ARHGEF10L: variants seen among roughly 807,000 people sequenced by gnomAD.
The protein encoded by ARHGEF10L is Rho guanine nucleotide exchange factor 10 like.
ARHGEF10L carries 69 observed loss-of-function variants against 141.2 expected under a neutral mutation model. The ratio of observed to expected loss-of-function variants is 0.49; its 90% confidence interval spans 0.40 to 0.60. The LOEUF is 0.60. Among genes scored for constraint, ARHGEF10L ranks in the 20% least tolerant of loss-of-function variants. ARHGEF10L has a pLI of 0.00. For missense variants in ARHGEF10L, 1,482 were observed against 1,734.3 expected (o/e 0.85, Z 2.58); for synonymous variants, 711 against 718.5 (o/e 0.99, Z 0.17).
At chr1:17,670,184 C>T (rs376649551) in intron 26 of ARHGEF10L, among the ~76,000 whole-genome samples, 13 of 152,378 alleles carry the variant, frequency 8.5e-5, no homozygotes, top group African/African-American at 3.1e-4. Flanking sequence ...CCCTGAGGCC[C>T]ACATGGCCTG....
At chr1:17,664,871 G>T (rs1236581847) in intron 26 of ARHGEF10L, among the ~76,000 whole-genome samples, 1 of 152,222 alleles carries the variant, frequency 6.6e-6, no homozygotes, top group African/African-American at 2.4e-5. Flanking sequence ...TGTGGAAGTG[G>T]GATTGGGGTC....
rs1338785791 is a variant in ARHGEF10L, at chr1:17,558,276, TC to T, written c.-44+18328del. ...ACCTACTCATTCATTCATCTATCCA[TC>T]CACCCACCCGCCCATTTATTCACCC... On this transcript the variant is annotated intron_variant, in intron 1 of 28. Transcript: ENST00000361221. This position sits in a 1 kb window ranked among gnomAD's most constrained non-coding sequence, Gnocchi z 4.2. Among the ~76,000 whole-genome samples the T allele has an allele frequency of 6.6e-6, 1 of 152,136 alleles. No individual in the cohort carries two copies. The highest frequency in any genetic ancestry group is 6.6e-5 in the Admixed American group (1 of 15,262).
At chr1:17,556,032 G>A (rs867215833) in intron 1 of ARHGEF10L, among the ~76,000 whole-genome samples, 1 of 151,384 alleles carries the variant, frequency 6.6e-6, no homozygotes, top group Non-Finnish European at 1.5e-5. Flanking sequence ...TCCCAATTAG[G>A]TTAGGGCAGC....
Position 17,634,994 on chromosome 1 carries a change from C to A in ARHGEF10L, c.1905C>A (p.Ala635=). 1 of 1,614,088 alleles carries A rather than the reference C, an allele frequency of 6.2e-7. No individual in the cohort carries two copies. The highest frequency in any genetic ancestry group is 8.5e-7 in the Non-Finnish European group (1 of 1,179,956). The part of the protein sequence containing the change: ...VLIQHSGAKK[A]SASGQAQNKV... ...TCCAGCACTCAGGCGCCAAGAAGGC[C>A]TCTGCCTCAGGGCAGGCTCAGAGTG... is the stretch of plus-strand genomic sequence containing the variant. The change falls in exon 18 of 29, where the codon GCC becomes GCA. Residue 635 remains alanine (A), a synonymous_variant. Transcript: ENST00000361221.
At chr1:17,530,536 T>C in the ARHGEF10L span, among the ~76,000 whole-genome samples, 5 of 152,206 alleles carry the variant, frequency 3.3e-5, no homozygotes, top group Admixed American at 1.3e-4. Flanking sequence ...CCCAGGGTTG[T>C]GAGCCAGTAC....
intron 21 of ARHGEF10L, among the ~76,000 whole-genome samples, chr1:17,642,911 C>T (rs2061404875): frequency 6.6e-6 from 1 of 152,200 alleles, no homozygotes; most frequent in African/African-American, 2.4e-5. Flanking sequence ...GTTTGAACCG[C>T]ATGTGCTTTG....
Position 17,625,980 on chromosome 1 carries a change from C to T in ARHGEF10L, c.1342C>T (p.Arg448Cys), listed in dbSNP as rs1219777377. 9.3e-6 allele frequency: 15 copies of T among 1,613,940 alleles called. No homozygotes were observed. Among genetic ancestry groups the T allele is most frequent in the East Asian group, 2.2e-5 (1 of 44,866 alleles). ...LKRRQVCSPD[R>C]VTLYGLMVKP... The stretch of plus-strand genomic sequence containing the variant: ...GCGACGGCAGGTGTGCAGCCCAGAC[C>T]GTGTCACCCTCTACGGGCTGATGGT... The change falls in exon 14 of 29, where the codon CGT (arginine) becomes TGT (cysteine). Residue 448 changes from arginine to cysteine, a missense_variant. Transcript: ENST00000361221. The surrounding 1 kb of genome is among the most constrained non-coding windows in gnomAD (Gnocchi z 4.5).
At chr1:17,660,772 G>C (rs1393706322) in intron 25 of ARHGEF10L, among the ~76,000 whole-genome samples, 1 of 152,210 alleles carries the variant, frequency 6.6e-6, no homozygotes, top group Non-Finnish European at 1.5e-5. Context: ...AGAATGGGCT[G>C]TCATACAGGG....
chr1:17,685,289 G>A (rs757425490), intron 26 of ARHGEF10L, among the ~76,000 whole-genome samples: 1 of 152,180 alleles, frequency 6.6e-6, no homozygotes, highest in African/African-American at 2.4e-5. Context: ...AATCTAAACT[G>A]TTCCCCATGG....
At chr1:17,547,900 A>G (rs2076972204) in intron 1 of ARHGEF10L, among the ~76,000 whole-genome samples, 1 of 152,044 alleles carries the variant, frequency 6.6e-6, no homozygotes, top group East Asian at 1.9e-4. Context: ...ACAAAGGGAG[A>G]GGCTGTGTTG....
At position 17,644,741 on chromosome 1, in the gene ARHGEF10L, G is replaced by A. The variant is rs1464143540; in HGVS notation, c.2273-3813G>A. ...CTGGGAGGCAGGTCGGGCTGGAGAA[G>A]CAGGGCTGGGCCCGCGGTGGGCTCA... is the stretch of plus-strand genomic sequence containing the variant. On this transcript the variant is annotated intron_variant, in intron 21 of 28. Transcript: ENST00000361221. The surrounding 1 kb of genome is among the most constrained non-coding windows in gnomAD (Gnocchi z 4.5). Among the ~76,000 whole-genome samples the A allele has an allele frequency of 6.6e-6, 1 of 152,218 alleles. No homozygotes were observed. The highest frequency in any genetic ancestry group is 2.4e-5 in the African/African-American group (1 of 41,450).
Position 17,626,007 on chromosome 1 carries a change from A to G in ARHGEF10L, c.1369A>G (p.Lys457Glu). The G allele has an allele frequency of 6.2e-7, 1 of 1,613,966 alleles. No homozygotes were observed. The highest frequency in any genetic ancestry group is 1.1e-5 in the South Asian group (1 of 91,078). ...TGTCACCCTCTACGGGCTGATGGTC[A>G]AGCCCATCCAGAGGTTCCCACAGTT... ...DRVTLYGLMV[K>E]PIQRFPQFIL... The change falls in exon 14 of 29, where the codon AAG becomes GAG. Residue 457 changes from lysine to glutamate, a missense_variant. Lys to Glu is a moderately conservative substitution (Grantham distance 56). Around this residue, in one of 3 missense-constraint regions of ARHGEF10L, gnomAD observed 392 missense variants for 542.1 expected, o/e 0.72. Coordinates refer to ENST00000361221, the MANE Select transcript of ARHGEF10L (RefSeq NM_018125.4).
intron 27 of ARHGEF10L, among the ~76,000 whole-genome samples, chr1:17,693,167 A>G (rs1319819487): frequency 3.3e-5 from 5 of 152,232 alleles, no homozygotes; most frequent in African/African-American, 1.2e-4. Flanking sequence ...AAAATAACAC[A>G]TTCAGTCCCT....
chr1:17,568,429 C>T (rs2077852161), intron 1 of ARHGEF10L, among the ~76,000 whole-genome samples: 2 of 152,176 alleles, frequency 1.3e-5, no homozygotes, highest in South Asian at 4.1e-4. Context: ...GAGCACAGAG[C>T]TCAGTCTCCT....
At chr1:17,624,948 T>C (rs1052139514) in intron 13 of ARHGEF10L, among the ~76,000 whole-genome samples, 1 of 152,348 alleles carries the variant, frequency 6.6e-6, no homozygotes, top group East Asian at 1.9e-4. Flanking sequence ...GAAAAGCTTC[T>C]GAGTTCTCAT....
At chr1:17,520,103 A>G in the ARHGEF10L span, among the ~76,000 whole-genome samples, 1 of 152,020 alleles carries the variant, frequency 6.6e-6, no homozygotes, top group African/African-American at 2.4e-5. Flanking sequence ...TGGATTCCCC[A>G]TCTTGGTTCT....
At chr1:17,691,459 C>T (rs2065100637) in intron 27 of ARHGEF10L, among the ~76,000 whole-genome samples, 1 of 152,066 alleles carries the variant, frequency 6.6e-6, no homozygotes, top group African/African-American at 2.4e-5. Flanking sequence ...GAAATGGTCT[C>T]CTGCCGGTCT....
intron 27 of ARHGEF10L, among the ~76,000 whole-genome samples, chr1:17,693,511 C>T (rs560530817): frequency 2.1e-4 from 32 of 152,180 alleles, no homozygotes; most frequent in Non-Finnish European, 3.5e-4. Context: ...GAAGCACATA[C>T]ACCCACATGT....
Position 17,619,204 on chromosome 1 carries a change from C to A in ARHGEF10L, c.836-135C>A. ...AGGAGCTACCGGGCGGCTCTAACCCCACGGGGCCCCAGGAGCTGCTTGCAC... is the reference window on the plus strand; with the variant it reads ...AGGAGCTACCGGGCGGCTCTAACCCAACGGGGCCCCAGGAGCTGCTTGCAC... On this transcript the variant is annotated intron_variant, in intron 9 of 28. Transcript: ENST00000361221. The surrounding 1 kb of genome is among the most constrained non-coding windows in gnomAD (Gnocchi z 5.0). 1.3e-6 allele frequency: 1 copy of A among 787,098 alleles called. No homozygotes were observed. The highest frequency in any genetic ancestry group is 2.1e-6 in the Non-Finnish European group (1 of 479,232). 48.8% of individuals were successfully genotyped at this position (787,098 alleles called of 1,614,324 possible).
Sources: allele counts gnomAD v4.1 joint callset (sites outside exome capture counted in the v4.1 genomes callset), GRCh38; gene constraint gnomAD v4.1.1; regional missense constraint gnomAD v4.1.1; non-coding constraint Gnocchi (gnomAD v3.1); transcripts MANE v1.5; gene names NCBI Gene and HGNC (gene_info 2026-07-23, HGNC 2026-07-21).